ITGA2B: variants seen among roughly 807,000 people sequenced by gnomAD.
ITGA2B encodes the protein integrin alpha-IIb.
ITGA2B carries 91 observed loss-of-function variants against 142.0 expected under a neutral mutation model. That is an observed-to-expected ratio of 0.64 (90% CI 0.54 to 0.76). The LOEUF is 0.76. ITGA2B is among the 30% of genes least tolerant of loss of function. The pLI, the probability that ITGA2B is intolerant of heterozygous loss-of-function variation, is 0.00. For synonymous variants in ITGA2B, 536 were observed against 567.2 expected, an observed-to-expected ratio of 0.94 and a Z score of 0.78; for missense variants, 1,231 against 1,350.8, an observed-to-expected ratio of 0.91 and a Z score of 1.39.
chr17:44,382,133 C>T (rs374031802), intron 12 of ITGA2B, among the ~76,000 whole-genome samples: 15 of 151,240 alleles, frequency 9.9e-5, no homozygotes, highest in Non-Finnish European at 2.1e-4. Flanking sequence ...CAGTCACCCT[C>T]CCACCCCCTG....
intron 1 of ITGA2B, 92 bp downstream of exon 1, chr17:44,389,191 ACTG>A: frequency 1.5e-6 from 2 of 1,372,722 alleles, no homozygotes; most frequent in Non-Finnish European, 2.1e-6. Context: ...ACCTTGCTCA[ACTG>A]CTATCGCAAA....
At chr17:44,383,749 A>T in intron 11 of ITGA2B, 45 bp from the exon 12 acceptor site, 7 of 1,553,614 alleles carry the variant, frequency 4.5e-6, no homozygotes, top group Non-Finnish European at 6.1e-6. Context: ...CCAGGGGTAT[A>T]TTGGGGCTAG....
At chr17:44,380,579 G>T (rs371118557) in intron 14 of ITGA2B, 21 bp downstream of exon 14, 3 of 1,614,122 alleles carry the variant, frequency 1.9e-6, no homozygotes, top group Non-Finnish European at 2.5e-6. Flanking sequence ...TCCCCATCCC[G>T]CCCCTGGAGC....
At chr17:44,379,405 C>T (rs1340983112) in intron 18 of ITGA2B, among the ~76,000 whole-genome samples, 1 of 151,996 alleles carries the variant, frequency 6.6e-6, no homozygotes, top group Non-Finnish European at 1.5e-5. Context: ...CATGCGTCAC[C>T]ACACCCGGCT....
chr17:44,374,695 C>G lies in ITGA2B; in HGVS notation c.2907G>C (p.Ala969=), dbSNP rs150804834. Residue 969 remains alanine (A), a synonymous_variant, in exon 28 of 30, where the codon GCG becomes GCC. Transcript: ENST00000262407. Reference sequence around the variant, plus strand: ...CTCGGGGCAGGCTGAGCGGGGGCACCGCATAGGGGAGGGAGGACACGTTGA... The same window carrying G: ...CTCGGGGCAGGCTGAGCGGGGGCACGGCATAGGGGAGGGAGGACACGTTGA... ...AWFNVSSLPY[A]VPPLSLPRGE... 55 of 1,614,042 alleles carry G rather than the reference C, an allele frequency of 3.4e-5. No individual in the cohort carries two copies. The African/African-American group carries it at 5.5e-4, about 16-fold the overall frequency.
intron 1 of ITGA2B, 39 bp from the exon 2 acceptor site, chr17:44,386,170 G>A: frequency 6.4e-7 from 1 of 1,555,832 alleles, no homozygotes; most frequent in East Asian, 2.4e-5. Flanking sequence ...GCAGATTCCA[G>A]CGTATCCCAG....
At chr17:44,380,836 G>A (rs1454156571) in intron 13 of ITGA2B, 43 bp downstream of exon 13, 4 of 1,611,072 alleles carry the variant, frequency 2.5e-6, no homozygotes, top group Non-Finnish European at 3.4e-6. Flanking sequence ...GAATGTCCAA[G>A]GGCCTTTCTT....
intron 11 of ITGA2B, 41 bp downstream of exon 11, chr17:44,383,853 T>G (rs1420490985): frequency 8.7e-6 from 14 of 1,609,370 alleles, no homozygotes; most frequent in Non-Finnish European, 1.2e-5. Flanking sequence ...TCTGGTAATT[T>G]GGGACCCAAC....
At chr17:44,384,048 C>T (rs2143478785) in intron 10 of ITGA2B, 37 bp downstream of exon 10, 4 of 1,613,806 alleles carry the variant, frequency 2.5e-6, no homozygotes, top group Non-Finnish European at 3.4e-6. Flanking sequence ...TCAGTTCCCC[C>T]TCCACCCAGC....
chr17:44,378,811 G>A, intron 18 of ITGA2B, 101 bp from the exon 19 acceptor site: 2 of 1,002,308 alleles, frequency 2.0e-6, no homozygotes, highest in Admixed American at 2.1e-5. Context: ...TCACATAGGG[G>A]CTTAGGGAGT....
rs41308596 is a variant in ITGA2B, at chr17:44,383,593, C to G, written c.1110G>C (p.Ala370=). The G allele has an allele frequency of 6.2e-7, 1 of 1,610,902 alleles. No homozygotes were observed. The highest frequency in any genetic ancestry group is 1.1e-5 in the South Asian group (1 of 90,370). The change falls in exon 12 of 30, where the codon GCG becomes GCC. Residue 370 remains alanine (A), a synonymous_variant. Coordinates refer to ENST00000262407, the MANE Select transcript of ITGA2B (RefSeq NM_000419.5). Reference sequence around the variant, plus strand: ...TCAGCAGGAGGCTGGGGGCACCCAGCGCGTGGGGGCCTCGCGGCTGCAGGA... The same window carrying G: ...TCAGCAGGAGGCTGGGGGCACCCAGGGCGTGGGGGCCTCGCGGCTGCAGGA... ...YLFLQPRGPH[A]LGAPSLLLTG... is the part of the protein sequence containing the mutation.
At chr17:44,386,723 C>T (rs1285027102) in intron 1 of ITGA2B, among the ~76,000 whole-genome samples, 2 of 152,166 alleles carry the variant, frequency 1.3e-5, no homozygotes, top group East Asian at 1.9e-4. Context: ...GTAATAAATA[C>T]GAGTAACGGT....
intron 27 of ITGA2B, 80 bp from the exon 28 acceptor site, chr17:44,374,840 C>A: frequency 7.3e-7 from 1 of 1,361,320 alleles, no homozygotes. Context: ...ACACCCCCGG[C>A]GGGGAAGCCC....
intron 21 of ITGA2B, 70 bp downstream of exon 21, chr17:44,377,628 C>A: frequency 8.4e-7 from 1 of 1,189,394 alleles, no homozygotes; most frequent in South Asian, 1.2e-5. Flanking sequence ...GGCTCTAAAA[C>A]CTCACCCCTA....
chr17:44,381,129 C>T, intron 12 of ITGA2B, 68 bp from the exon 13 acceptor site: 1 of 1,487,532 alleles, frequency 6.7e-7, no homozygotes, highest in East Asian at 2.3e-5. Context: ...GTAAAACTTT[C>T]CTGAGCTTCT....
rs367590600 is a variant in ITGA2B at position 44,385,517 on chromosome 17, G to A, written c.574+34C>T. On this transcript the variant is annotated intron_variant, in intron 4 of 29. Transcript: ENST00000262407. ...GATGGGGGCGGGGCCAAGCCGTCGCGAGTGGGCGGGGCCAGGTCGTAGCTG... is the reference window on the plus strand; with the variant it reads ...GATGGGGGCGGGGCCAAGCCGTCGCAAGTGGGCGGGGCCAGGTCGTAGCTG... The A allele has an allele frequency of 1.1e-4, 174 of 1,537,932 alleles. No homozygotes were observed. In the African/African-American group the frequency reaches 2.1e-3, roughly 19 times the overall value.
Position 44,377,144 on chromosome 17 carries a change from T to C in ITGA2B, c.2188-56A>G, listed in dbSNP as rs1314995663. 4 of 1,304,940 alleles carry C rather than the reference T, an allele frequency of 3.1e-6. No individual in the cohort carries two copies. The African/African-American group carries it at 4.4e-5, about 14-fold the overall frequency. The allele number at this position is 1,304,940 out of a possible 1,614,324, so 80.8% of individuals were successfully genotyped here. A position where few individuals can be genotyped will look rare whatever the true frequency, so the allele number is the denominator to read the frequency against. On this transcript the variant is annotated intron_variant, in intron 21 of 29. Coordinates refer to ENST00000262407, the MANE Select transcript of ITGA2B (RefSeq NM_000419.5). ...CCAAGTGCCCCACTTAGGACAGCCCTGCCCTGAATGTGGCCTCCAGTCTTC... is the reference window on the plus strand; with the variant it reads ...CCAAGTGCCCCACTTAGGACAGCCCCGCCCTGAATGTGGCCTCCAGTCTTC...
intron 22 of ITGA2B, among the ~76,000 whole-genome samples, chr17:44,376,769 T>G (rs1178951184): frequency 6.6e-6 from 1 of 152,012 alleles, no homozygotes; most frequent in Non-Finnish European, 1.5e-5. Context: ...CGCACCACCA[T>G]GCCCAGCTAA....
Position 44,375,710 on chromosome 17 carries a change from A to C in ITGA2B, c.2608T>G (p.Trp870Gly), listed in dbSNP as rs1567898448. Residue 870 changes from tryptophan to glycine, a missense_variant, in exon 26 of 30, where the codon TGG becomes GGG. By Grantham distance (184) the Trp-to-Gly change is radical. Around this residue, in one of 3 missense-constraint regions of ITGA2B, gnomAD observed 908 missense variants for 1,021.1 expected, o/e 0.89. Transcript: ENST00000262407. ...GAGGGGCTGGGGATGGGCAGCCCCC[A>C]GTCCACCTGGGGGGGCAAAGGAGTG... is the stretch of plus-strand genomic sequence containing the variant. ...QPPVNPLKVD[W>G]GLPIPSPSPI... 5.7e-6 allele frequency: 9 copies of C among 1,581,982 alleles called. No individual in the cohort carries two copies. Among genetic ancestry groups the C allele is most frequent in the Non-Finnish European group, 6.9e-6 (8 of 1,164,158 alleles).
Sources: allele counts gnomAD v4.1 joint callset (sites outside exome capture counted in the v4.1 genomes callset), GRCh38; gene constraint gnomAD v4.1.1; regional missense constraint gnomAD v4.1.1; transcripts MANE v1.5; gene names NCBI Gene and HGNC (gene_info 2026-07-23, HGNC 2026-07-21).